The following SLC41A1 variants were observed in gnomAD, a reference collection of about 807,000 sequenced individuals.
The protein encoded by SLC41A1 is solute carrier family 41 member 1.
SLC41A1 carries 20 observed loss-of-function variants against 47.3 expected under a neutral mutation model. That is an observed-to-expected ratio of 0.42 (90% CI 0.30 to 0.61). The LOEUF (loss-of-function observed/expected upper bound fraction) is 0.61, where lower values mean the gene tolerates loss of function less well. Among genes scored for constraint, SLC41A1 ranks in the 20% least tolerant of loss-of-function variants. The pLI is 0.17. For missense variants in SLC41A1, 504 were observed against 674.1 expected (o/e 0.75, Z 2.79); for synonymous variants, 282 against 272.7 (o/e 1.03, Z -0.34).
At chr1:205,801,250 C>G (rs539035236) in intron 2 of SLC41A1, 190 bp from the exon 3 acceptor site, 70 of 573,332 alleles carry the variant, frequency 1.2e-4, no homozygotes, top group African/African-American at 9.7e-4. Context: ...CACAACCCCC[C>G]TTCCTGCCAC....
chr1:205,801,215 A>T, intron 2 of SLC41A1, 155 bp from the exon 3 acceptor site: 1 of 645,510 alleles, frequency 1.5e-6, no homozygotes. Context: ...TTGGAACCAA[A>T]CCAAGCCCAT....
chr1:205,792,102 T>C (rs1655639498), intron 10 of SLC41A1, among the ~76,000 whole-genome samples: 2 of 152,208 alleles, frequency 1.3e-5, no homozygotes, highest in South Asian at 4.1e-4. Flanking sequence ...ATTCCTGCCA[T>C]GTTGGCCTTT....
intron 3 of SLC41A1, among the ~76,000 whole-genome samples, chr1:205,800,440 CA>C (rs2102505305): frequency 6.6e-6 from 1 of 152,304 alleles, no homozygotes; most frequent in African/African-American, 2.4e-5. Context: ...TCACGGCTCA[CA>C]ACTGTGGGAG....
chr1:205,795,295 C>T, intron 9 of SLC41A1, 49 bp downstream of exon 9: 1 of 1,613,804 alleles, frequency 6.2e-7, no homozygotes, highest in Non-Finnish European at 8.5e-7. Context: ...AGCTCACTGA[C>T]AGTAGGCCCA....
chr1:205,812,873 G>A lies in SLC41A1; in HGVS notation c.-712C>T. 5.1e-6 allele frequency: 5 copies of A among 985,510 alleles called. No individual in the cohort carries two copies. The highest frequency in any genetic ancestry group is 6.0e-6 in the Non-Finnish European group (5 of 830,018). 61.0% of individuals were successfully genotyped at this position (985,510 alleles called of 1,614,324 possible). ...GCAGCGTGGCCCGTGGTCTCGGGGG[G>A]TGCAGGGCACCCCCTCTTCTCATCA... On this transcript the variant is annotated 5_prime_UTR_variant, in exon 1 of 11. Coordinates refer to ENST00000367137, the MANE Select transcript of SLC41A1 (RefSeq NM_173854.6).
rs1317317094 is a variant in SLC41A1 at position 205,798,653 on chromosome 1, A to C, written c.844+16T>G. ...CCCACCCAGGACTCCAAGAAGCCAC[A>C]CTCTTGGTGGCTCACTCAGTTCCAG... On this transcript the variant is annotated intron_variant, in intron 6 of 10. Transcript: ENST00000367137. 3.1e-6 allele frequency: 5 copies of C among 1,613,930 alleles called. No homozygotes were observed. In the African/African-American group the frequency reaches 4.0e-5, roughly 13 times the overall value.
chr1:205,811,148 T>G (rs961641038), intron 1 of SLC41A1, 61 bp from the exon 2 acceptor site: 4 of 153,228 alleles, frequency 2.6e-5, no homozygotes, highest in African/African-American at 9.6e-5. Context: ...GGACAGCTTG[T>G]ACTGGGAGAA....
At chr1:205,796,713 T>C (rs549464239) in intron 8 of SLC41A1, 1 of 608,292 alleles carries the variant, frequency 1.6e-6, no homozygotes, top group South Asian at 1.9e-5. Context: ...CCATTGCTGC[T>C]AATCTCTCGG....
chr1:205,803,064 G>A (rs1655928097), intron 2 of SLC41A1, among the ~76,000 whole-genome samples: 1 of 152,186 alleles, frequency 6.6e-6, no homozygotes. Flanking sequence ...AGCTACTGGG[G>A]AGGCTGAGGC....
At chr1:205,795,896 T>C in intron 8 of SLC41A1, 1 of 322,796 alleles carries the variant, frequency 3.1e-6, no homozygotes, top group African/African-American at 2.1e-5. Flanking sequence ...TCTCCAATGC[T>C]CTGAGCAGAC....
intron 8 of SLC41A1, chr1:205,795,761 C>T (rs908301121): frequency 3.8e-6 from 2 of 522,490 alleles, no homozygotes; most frequent in East Asian, 3.5e-5. Flanking sequence ...GTGACAGTGC[C>T]GGAAAGGATA....
At chr1:205,806,618 C>T (rs1656019496) in intron 2 of SLC41A1, among the ~76,000 whole-genome samples, 1 of 152,246 alleles carries the variant, frequency 6.6e-6, no homozygotes, top group Non-Finnish European at 1.5e-5. Context: ...TCCCAACCCC[C>T]TTCAGAAGCC....
rs748110571 is a variant in SLC41A1, at chr1:205,798,690, A to C, written c.823T>G (p.Trp275Gly). The change falls in exon 6 of 11, where the codon TGG becomes GGG. Residue 275 changes from tryptophan (W) to glycine (G), a missense_variant. Transcript: ENST00000367137. ...TCACTCAGTTCCAGGTAGAGTCCCC[A>C]GCTGATGCCTGAGAGCAGCGCCAAG... is the stretch of plus-strand genomic sequence containing the variant. ...ITLALLSGIS[W>G]GLYLELNHWR... 1.2e-6 allele frequency: 2 copies of C among 1,614,182 alleles called. No individual in the cohort carries two copies. The highest frequency in any genetic ancestry group is 1.7e-6 in the Non-Finnish European group (2 of 1,180,028).
intron 6 of SLC41A1, 133 bp downstream of exon 6, chr1:205,798,536 C>T: frequency 7.5e-7 from 1 of 1,341,364 alleles, no homozygotes; most frequent in Non-Finnish European, 1.1e-6. Context: ...TCTCTAAGAT[C>T]AGGAATTATT....
Position 205,803,662 on chromosome 1 carries a change from C to T in SLC41A1, c.373-2602G>A, listed in dbSNP as rs192594405. On this transcript the variant is annotated intron_variant, in intron 2 of 10. Coordinates refer to ENST00000367137, the MANE Select transcript of SLC41A1 (RefSeq NM_173854.6). Reference sequence around the variant, plus strand: ...TTTTTTTTTTTTTTTTCTTGAGACACGGTCTCACTCTGTGGCCCAGGCTGG... The same window carrying T: ...TTTTTTTTTTTTTTTTCTTGAGACATGGTCTCACTCTGTGGCCCAGGCTGG... 5.3e-3 allele frequency among the ~76,000 whole-genome samples: 743 copies of T among 140,920 alleles called. 6 individuals carry two copies. The highest frequency in any genetic ancestry group is 0.018 in the African/African-American group (701 of 38,466). 92.4% of individuals were successfully genotyped at this position (140,920 alleles called of 152,430 possible).
At chr1:205,800,838 G>C in intron 3 of SLC41A1, 115 bp downstream of exon 3, 1 of 974,382 alleles carries the variant, frequency 1.0e-6, no homozygotes, top group Non-Finnish European at 1.6e-6. Flanking sequence ...TCCCACCCCA[G>C]CCCCACACTC....
chr1:205,810,493 C>G lies in SLC41A1; in HGVS notation c.-52G>C. 1 of 1,612,998 alleles carries G rather than the reference C, an allele frequency of 6.2e-7. No individual in the cohort carries two copies. Among genetic ancestry groups the G allele is most frequent in the South Asian group, 1.1e-5 (1 of 90,770 alleles). ...AACTTTCCTCTCTTCTTTTTGCTTT[C>G]TCTCTTCTTCTCTAACTTGGGAAAG... On this transcript the variant is annotated 5_prime_UTR_variant, in exon 2 of 11. Coordinates refer to ENST00000367137, the MANE Select transcript of SLC41A1 (RefSeq NM_173854.6). This position sits in a 1 kb window ranked among gnomAD's most constrained non-coding sequence, Gnocchi z 5.5.
At position 205,790,454 on chromosome 1, in the gene SLC41A1, G is replaced by A. The variant is rs1391440706; in HGVS notation, c.*1079C>T. The A allele has an allele frequency of 6.6e-6, 1 of 152,350 alleles. No homozygotes were observed. Among genetic ancestry groups the A allele is most frequent in the South Asian group, 2.1e-4 (1 of 4,824 alleles). The allele number at this position is 152,350 out of a possible 1,614,324, so 9.4% of individuals were successfully genotyped here. A position where few individuals can be genotyped will look rare whatever the true frequency, so the allele number is the denominator to read the frequency against. ...ATGAACGAATAAATGATTGGTGAAT[G>A]TTTGTGGGTAGAAGCCAAGAAAGAG... is the stretch of plus-strand genomic sequence containing the variant. On this transcript the variant is annotated 3_prime_UTR_variant, in exon 11 of 11. Coordinates refer to ENST00000367137, the MANE Select transcript of SLC41A1 (RefSeq NM_173854.6).
chr1:205,802,648 G>A (rs1306366948), intron 2 of SLC41A1, among the ~76,000 whole-genome samples: 3 of 151,360 alleles, frequency 2.0e-5, no homozygotes, highest in Non-Finnish European at 4.4e-5. Context: ...AACCCAAGAG[G>A]TGGAGGTTGC....
Sources: gnomAD v4.1 joint callset for allele counts (sites outside exome capture counted in the v4.1 genomes callset) on GRCh38, gnomAD v4.1.1 for gene constraint, Gnocchi (gnomAD v3.1) non-coding constraint, MANE v1.5 for transcripts, NCBI Gene and HGNC (gene_info 2026-07-23, HGNC 2026-07-21) for gene names.